Variants in TDRKH observed in about 807,000 individuals in gnomAD.
The protein encoded by TDRKH is tudor and KH domain containing.
TDRKH carries 28 observed loss-of-function variants against 61.3 expected under a neutral mutation model. The ratio of observed to expected loss-of-function variants is 0.46; its 90% CI spans 0.34 to 0.63. The LOEUF (loss-of-function observed/expected upper bound fraction) is 0.63, where lower values mean the gene tolerates loss of function less well. TDRKH is among the 20% of genes least tolerant of loss of function. TDRKH has a pLI of 0.01. For missense variants in TDRKH, 540 were observed against 683.4 expected (o/e 0.79, Z 2.34); for synonymous variants, 219 against 244.4 (o/e 0.90, Z 0.97).
At chr1:151,777,635 A>C (rs1224551705) in intron 6 of TDRKH, among the ~76,000 whole-genome samples, 2 of 152,170 alleles carry the variant, frequency 1.3e-5, no homozygotes, top group South Asian at 2.1e-4. Flanking sequence ...GATGATAGAC[A>C]TAAGTGTATT....
chr1:151,778,164 T>G (rs1996731), intron 6 of TDRKH, among the ~76,000 whole-genome samples: 62,281 of 151,980 alleles, frequency 0.41, 13,812 homozygotes, highest in Non-Finnish European at 0.51. Context: ...CTAGCTTACA[T>G]AAAATGCATA....
intron 12 of TDRKH, 40 bp from the exon 13 acceptor site, chr1:151,774,544 C>G: frequency 6.2e-7 from 1 of 1,611,450 alleles, no homozygotes; most frequent in Non-Finnish European, 8.5e-7. Context: ...TAGACACTGC[C>G]CTATTCTAGC....
Position 151,779,061 on chromosome 1 carries a change from C to T in TDRKH, c.561+42G>A, listed in dbSNP as rs543317783. The T allele has an allele frequency of 4.7e-5, 75 of 1,612,240 alleles. No homozygotes were observed. The South Asian group carries it at 8.0e-4, about 17-fold the overall frequency. On this transcript the variant is annotated intron_variant, in intron 5 of 12. Transcript: ENST00000368824. ...CTGACCTGGGATAGAGTAAAAGGAT[C>T]TTCTCATGCTCAGGTATAATTCAAG...
Position 151,774,348 on chromosome 1 carries a change from G to C in TDRKH, c.*104C>G. 8.4e-7 allele frequency: 1 copy of C among 1,190,012 alleles called. No individual in the cohort carries two copies. The highest frequency in any genetic ancestry group is 1.2e-6 in the Non-Finnish European group (1 of 833,424). The allele number at this position is 1,190,012 out of a possible 1,614,324, so 73.7% of individuals were successfully genotyped here. A position where few individuals can be genotyped will look rare whatever the true frequency, so the allele number is the denominator to read the frequency against. On this transcript the variant is annotated 3_prime_UTR_variant, in exon 13 of 13. Transcript: ENST00000368824. ...AGGGCATGGGAAAGAGGGAATCAAAGCAAGTGCCCCACTGTCGCCCTCATT... is the reference window on the plus strand; with the variant it reads ...AGGGCATGGGAAAGAGGGAATCAAACCAAGTGCCCCACTGTCGCCCTCATT...
Position 151,782,987 on chromosome 1 carries a change from G to A in TDRKH, c.36C>T (p.Ser12=). 6.2e-7 allele frequency: 1 copy of A among 1,613,756 alleles called. No homozygotes were observed. The highest frequency in any genetic ancestry group is 8.5e-7 in the Non-Finnish European group (1 of 1,179,896). ...STERTSWTSL[S]TIQKIALGLG... The stretch of plus-strand genomic sequence containing the variant: ...GGCCCAGGGCTATTTTCTGAATGGT[G>A]GACAGGCTTGTCCAAGAAGTCCGTT... The change falls in exon 2 of 13, where the codon TCC becomes TCT. Residue 12 remains serine (S), a synonymous_variant. Coordinates refer to ENST00000368824, the MANE Select transcript of TDRKH (RefSeq NM_001083965.2).
rs140485446 is a variant in TDRKH at position 151,777,331 on chromosome 1, A to T, written c.884-732T>A. The stretch of plus-strand genomic sequence containing the variant: ...TGTGGTGGTGTGCACCTGTGGTCTC[A>T]TCTACTCGGGAGGCTGAGGCATGAG... On this transcript the variant is annotated intron_variant, in intron 6 of 12. Coordinates refer to ENST00000368824, the MANE Select transcript of TDRKH (RefSeq NM_001083965.2). Among the ~76,000 whole-genome samples, 494 of 152,210 alleles carry T rather than the reference A, an allele frequency of 3.2e-3. 1 individual carries two copies. The highest frequency in any genetic ancestry group is 3.6e-3 in the Non-Finnish European group (245 of 68,016).
At chr1:151,776,885 C>T (rs188907856) in intron 6 of TDRKH, among the ~76,000 whole-genome samples, 4 of 152,316 alleles carry the variant, frequency 2.6e-5, no homozygotes, top group East Asian at 1.9e-4. Context: ...ATGCTAGCTA[C>T]AGCATGGATC....
At chr1:151,779,785 T>G in intron 4 of TDRKH, 166 bp downstream of exon 4, 2 of 607,744 alleles carry the variant, frequency 3.3e-6, no homozygotes. Context: ...GAAACAGGTT[T>G]GGTTTTACCA....
chr1:151,781,054 A>G (rs771113084), intron 3 of TDRKH, among the ~76,000 whole-genome samples: 3 of 151,502 alleles, frequency 2.0e-5, no homozygotes, highest in Non-Finnish European at 4.4e-5. Context: ...AGTGGCTCAC[A>G]CCTGTAATCC....
chr1:151,781,324 A>ATATATATATATATATATAT (rs1558145922), intron 3 of TDRKH, among the ~76,000 whole-genome samples, 157 bp downstream of exon 3: 4 of 18,828 alleles, frequency 2.1e-4, no homozygotes, highest in African/African-American at 3.2e-4. Flanking sequence ...TCTCAAAAAA[A>ATATATATATATATATATAT]AAAAATATAT....
chr1:151,783,015 G>A lies in TDRKH; in HGVS notation c.8C>T (p.Thr3Ile). 1.2e-6 allele frequency: 2 copies of A among 1,612,842 alleles called. No individual in the cohort carries two copies. Among genetic ancestry groups the A allele is most frequent in the African/African-American group, 1.3e-5 (1 of 74,916 alleles). The change falls in exon 2 of 13, where the codon ACT becomes ATT. Residue 3 changes from threonine to isoleucine, a missense_variant. This residue lies in a region of TDRKH where 156 missense variants were observed against 218.0 expected (regional missense o/e 0.72). Coordinates refer to ENST00000368824, the MANE Select transcript of TDRKH (RefSeq NM_001083965.2). ...CAGGCTTGTCCAAGAAGTCCGTTCA[G>A]TAGACATTTTCTGCTGTACTCTTTG... Reference protein sequence around the residue: MSTERTSWTSLST... With the variant: MSIERTSWTSLST...
chr1:151,771,081 C>T, downstream of TDRKH: 1 of 1,589,158 alleles, frequency 6.3e-7, no homozygotes, highest in Non-Finnish European at 8.5e-7. Flanking sequence ...TCACAGGTGC[C>T]CTGCTGCGGG....
At position 151,774,279 on chromosome 1, in the gene TDRKH, A is replaced by G. The variant is rs1648937844; in HGVS notation, c.*173T>C. The G allele has an allele frequency of 1.6e-6, 1 of 640,090 alleles. No individual in the cohort carries two copies. The allele number at this position is 640,090 out of a possible 1,614,324, so 39.7% of individuals were successfully genotyped here. A position where few individuals can be genotyped will look rare whatever the true frequency, so the allele number is the denominator to read the frequency against. Reference sequence around the variant, plus strand: ...GCTTGAAAGTGCTCAATCTGAGAGCAAGTTAAGCTGCAGGAAAGCAGCTGC... The same window carrying G: ...GCTTGAAAGTGCTCAATCTGAGAGCGAGTTAAGCTGCAGGAAAGCAGCTGC... On this transcript the variant is annotated 3_prime_UTR_variant, in exon 13 of 13. Coordinates refer to ENST00000368824, the MANE Select transcript of TDRKH (RefSeq NM_001083965.2).
intron 3 of TDRKH, among the ~76,000 whole-genome samples, chr1:151,780,842 T>G (rs12073999): frequency 0.34 from 47,212 of 139,408 alleles, 8,034 homozygotes; most frequent in Middle Eastern, 0.47. Flanking sequence ...AGAGCCAGAC[T>G]CTGTCTCAAA....
At chr1:151,770,143 C>T (rs1648614534), downstream of TDRKH, 5 of 1,612,246 alleles carry the variant, frequency 3.1e-6, no homozygotes, top group African/African-American at 1.3e-5. Flanking sequence ...AGCGGCCAAA[C>T]ATTTTAACTG....
downstream of TDRKH, chr1:151,771,259 A>C (rs146266963): frequency 1.2e-3 from 1,948 of 1,602,498 alleles, 25 homozygotes; most frequent in African/African-American, 0.022. Context: ...GGAAGCCTTG[A>C]CACATGGAAT....
intron 1 of TDRKH, chr1:151,783,506 G>C (rs1650033751): frequency 6.6e-6 from 1 of 152,266 alleles, no homozygotes; most frequent in African/African-American, 2.4e-5. Context: ...CTCTACTTTT[G>C]GTTTCTATTT....
At chr1:151,769,740 T>C (rs1396278741), downstream of TDRKH, among the ~76,000 whole-genome samples, 1 of 151,610 alleles carries the variant, frequency 6.6e-6, no homozygotes, top group African/African-American at 2.4e-5. Context: ...GAGGTGGAGG[T>C]TGTAGCGAGC....
At chr1:151,786,053 A>G (rs1224249015) in intron 1 of TDRKH, among the ~76,000 whole-genome samples, 1 of 152,248 alleles carries the variant, frequency 6.6e-6, no homozygotes, top group African/African-American at 2.4e-5. Context: ...CCTGGGGGGA[A>G]AAACTGGCTA....
Sources: allele counts gnomAD v4.1 joint callset (sites outside exome capture counted in the v4.1 genomes callset), GRCh38; gene constraint gnomAD v4.1.1; regional missense constraint gnomAD v4.1.1; transcripts MANE v1.5; gene names NCBI Gene and HGNC (gene_info 2026-07-23, HGNC 2026-07-21).